PGBD1: variants seen among roughly 807,000 people sequenced by gnomAD.
PGBD1 encodes piggyBac transposable element-derived protein 1.
In PGBD1, 25 loss-of-function variants were observed where a neutral mutation model predicts 34.7. That is an observed-to-expected ratio of 0.72 (90% confidence interval 0.52 to 1.00). PGBD1 has a LOEUF of 1.00. Among genes scored for constraint, PGBD1 ranks in the 50% least tolerant of loss-of-function variants. PGBD1 has a pLI of 0.00. For missense variants in PGBD1, 830 were observed against 959.4 expected (o/e 0.87, Z 1.78); for synonymous variants, 292 against 335.7 (o/e 0.87, Z 1.42).
intron 4 of PGBD1, among the ~76,000 whole-genome samples, chr6:28,295,904 G>C (rs887340691): frequency 3.9e-5 from 6 of 152,150 alleles, no homozygotes; most frequent in African/African-American, 1.4e-4. Flanking sequence ...ATAGGGTGAT[G>C]ATGAGTTAAA....
At chr6:28,282,119 C>T (rs1043054561) in intron 1 of PGBD1, among the ~76,000 whole-genome samples, 1 of 152,148 alleles carries the variant, frequency 6.6e-6, no homozygotes, top group Non-Finnish European at 1.5e-5. Context: ...GAAGGTTTTA[C>T]AATAGAACAT....
In PGBD1 at chr6:28,287,182, C is replaced by T; in HGVS notation, c.642+14C>T. 6.3e-7 allele frequency: 1 copy of T among 1,589,436 alleles called. No homozygotes were observed. The highest frequency in any genetic ancestry group is 8.6e-7 in the Non-Finnish European group (1 of 1,157,632). ...GTCAGGTCCCAGGTAAGTAGGATGC[C>T]CAAGCTTGTAGGAATATCAGTAGTG... is the stretch of plus-strand genomic sequence containing the variant. On this transcript the variant is annotated intron_variant, in intron 4 of 6. Transcript: ENST00000682144.
In PGBD1 at chr6:28,284,165, G is replaced by A. The variant is rs778033244; in HGVS notation, c.352G>A (p.Val118Met). 3 of 1,587,370 alleles carry A rather than the reference G, an allele frequency of 1.9e-6. 1 individual carries two copies. The highest frequency in any genetic ancestry group is 1.7e-4 in the Middle Eastern group (1 of 5,918). Residue 118 changes from valine (V) to methionine (M), a missense_variant, in exon 2 of 7, where the codon GTG becomes ATG. Transcript: ENST00000682144. ...PLESGEEAVT[V>M]LENLETGSGD... ...GGAGAGTGGAGAGGAGGCAGTGACA[G>A]TGCTGGAGAATCTAGAGACAGGAAG...
chr6:28,298,761 A>C (rs1170804598), intron 6 of PGBD1, among the ~76,000 whole-genome samples: 2 of 152,142 alleles, frequency 1.3e-5, no homozygotes, highest in Non-Finnish European at 2.9e-5. Flanking sequence ...GCAAAGCAAG[A>C]AACTTCTGAA....
chr6:28,289,080 G>A (rs755739160), intron 4 of PGBD1, among the ~76,000 whole-genome samples: 5 of 151,820 alleles, frequency 3.3e-5, no homozygotes, highest in Non-Finnish European at 5.9e-5. Flanking sequence ...AGATATAAAT[G>A]TCCAGGTACA....
At chr6:28,286,795 A>G (rs1762298232) in intron 3 of PGBD1, among the ~76,000 whole-genome samples, 1 of 150,988 alleles carries the variant, frequency 6.6e-6, no homozygotes, top group Non-Finnish European at 1.5e-5. Flanking sequence ...ATTTTTGTCT[A>G]TGATTTTTAT....
In PGBD1 at chr6:28,285,616, G is replaced by C. The variant is rs1404788060; in HGVS notation, c.462G>C (p.Leu154Phe). The C allele has an allele frequency of 6.2e-7, 1 of 1,614,068 alleles. No individual in the cohort carries two copies. Among genetic ancestry groups the C allele is most frequent in the South Asian group, 1.1e-5 (1 of 91,078 alleles). ...TGGCAGAATATCAAGGAGTCTCTTT[G>C]GAGTGTCAGAGCCTCCAGCTCCTGC... ...PMVAEYQGVS[L>F]ECQSLQLLPG... The change falls in exon 3 of 7, where the codon TTG becomes TTC. Residue 154 changes from leucine (L) to phenylalanine (F), a missense_variant. Leu to Phe is a conservative substitution (Grantham distance 22). Transcript: ENST00000682144.
chr6:28,297,845 T>TAAAATAAAAAA, intron 5 of PGBD1, 50 bp from the exon 6 acceptor site: 2 of 283,634 alleles, frequency 7.1e-6, no homozygotes, highest in Non-Finnish European at 6.6e-6. Flanking sequence ...TTTTTTTTTT[T>TAAAATAAAAAA]CAAAATTCAC....
rs1441544132 is a variant in PGBD1 at position 28,302,370 on chromosome 6, T to C, written c.*86T>C. 6 of 1,307,726 alleles carry C rather than the reference T, an allele frequency of 4.6e-6. No individual in the cohort carries two copies. Among genetic ancestry groups the C allele is most frequent in the Non-Finnish European group, 6.3e-6 (6 of 956,388 alleles). The allele number at this position is 1,307,726 out of a possible 1,614,324, so 81.0% of individuals were successfully genotyped here. A position where few individuals can be genotyped will look rare whatever the true frequency, so the allele number is the denominator to read the frequency against. On this transcript the variant is annotated 3_prime_UTR_variant, in exon 7 of 7. Coordinates refer to ENST00000682144, the MANE Select transcript of PGBD1 (RefSeq NM_032507.4). ...TGCTGTTGTACCCTCCCAAAGTAAA[T>C]CTGATATATGTAATGAAGTTATTAA...
Position 28,300,612 on chromosome 6 carries a change from T to C in PGBD1, c.870-112T>C. 8.1e-7 allele frequency: 1 copy of C among 1,231,852 alleles called. No individual in the cohort carries two copies. The highest frequency in any genetic ancestry group is 1.1e-6 in the Non-Finnish European group (1 of 900,692). The allele number at this position is 1,231,852 out of a possible 1,614,324, so 76.3% of individuals were successfully genotyped here. The stretch of plus-strand genomic sequence containing the variant: ...TGGAAACTTAAGAGAAATAAGTAAG[T>C]ATCCCCCCACACCCACCCCAAGCCC... On this transcript the variant is annotated intron_variant, in intron 6 of 6. Coordinates refer to ENST00000682144, the MANE Select transcript of PGBD1 (RefSeq NM_032507.4). The surrounding 1 kb of genome is among the most constrained non-coding windows in gnomAD (Gnocchi z 4.0).
chr6:28,297,489 A>C (rs1762680758), intron 5 of PGBD1, among the ~76,000 whole-genome samples: 1 of 152,082 alleles, frequency 6.6e-6, no homozygotes, highest in Non-Finnish European at 1.5e-5. Context: ...TGATCCTCCC[A>C]CCTCAGCCTT....
At chr6:28,294,761 T>C (rs992868224) in intron 4 of PGBD1, among the ~76,000 whole-genome samples, 2 of 152,216 alleles carry the variant, frequency 1.3e-5, no homozygotes, top group African/African-American at 4.8e-5. Context: ...TTTGAAAATA[T>C]TACTGCTTAT....
chr6:28,298,383 A>C lies in PGBD1; in HGVS notation c.869+392A>C, dbSNP rs373516979. 1.7e-4 allele frequency among the ~76,000 whole-genome samples: 26 copies of C among 152,236 alleles called. No individual in the cohort carries two copies. The South Asian group carries it at 2.1e-3, about 12-fold the overall frequency. ...AAGAAATGTCAGAGTGGAAGAGGAC[A>C]AGCAGGGTACAGGTTGAGCATTCCA... On this transcript the variant is annotated intron_variant, in intron 6 of 6. Transcript: ENST00000682144.
intron 4 of PGBD1, among the ~76,000 whole-genome samples, 177 bp from the exon 5 acceptor site, chr6:28,296,639 C>T (rs767414408): frequency 1.5e-4 from 23 of 152,332 alleles, no homozygotes; most frequent in Non-Finnish European, 2.8e-4. Flanking sequence ...CTCTGAATGG[C>T]ATCGGCTTGA....
At chr6:28,282,429 G>A (rs1191863049) in intron 1 of PGBD1, among the ~76,000 whole-genome samples, 1 of 152,214 alleles carries the variant, frequency 6.6e-6, no homozygotes, top group Non-Finnish European at 1.5e-5. Context: ...GTGTTTATGT[G>A]TGTGTGAGGT....
At position 28,296,830 on chromosome 6, in the gene PGBD1, T is replaced by C. The variant is rs1199399282; in HGVS notation, c.657T>C (p.Thr219=). ...NPVRSQTLVK[T]EEETAQAVAA... ...TGTCTTTTTAGACATTGGTGAAGAC[T>C]GAGGAAGAAACAGCCCAGGCCGTTG... Residue 219 remains threonine (T), a synonymous_variant, in exon 5 of 7, where the codon ACT becomes ACC. Transcript: ENST00000682144. 6.2e-7 allele frequency: 1 copy of C among 1,614,100 alleles called. No homozygotes were observed. The highest frequency in any genetic ancestry group is 1.3e-5 in the African/African-American group (1 of 75,044).
intron 4 of PGBD1, among the ~76,000 whole-genome samples, chr6:28,292,283 A>T (rs757707646): frequency 5.3e-5 from 8 of 152,238 alleles, no homozygotes; most frequent in South Asian, 2.1e-4. Context: ...ATATACTTCA[A>T]TAGTGAACAA....
chr6:28,289,987 T>G (rs1430384597), intron 4 of PGBD1, among the ~76,000 whole-genome samples: 1 of 152,220 alleles, frequency 6.6e-6, no homozygotes, highest in Admixed American at 6.5e-5. Flanking sequence ...TCTGAAGGTC[T>G]TCTTTGTAAG....
chr6:28,283,774 A>G lies in PGBD1; in HGVS notation c.-38-2A>G, dbSNP rs753345603. The G allele has an allele frequency of 1.3e-6, 2 of 1,520,622 alleles. No homozygotes were observed. The highest frequency in any genetic ancestry group is 1.8e-6 in the Non-Finnish European group (2 of 1,134,980). The allele number at this position is 1,520,622 out of a possible 1,614,324, so 94.2% of individuals were successfully genotyped here. On this transcript the variant is annotated splice_acceptor_variant, in intron 1 of 6. Transcript: ENST00000682144. LOFTEE classifies it low-confidence loss of function (5UTR_SPLICE). ...GCCTCAGATCTCTATTTCTGAATAT[A>G]GACCCCAAGCTAAGTGAAGCTTTAG...
Sources: allele counts gnomAD v4.1 joint callset (sites outside exome capture counted in the v4.1 genomes callset), GRCh38; gene constraint gnomAD v4.1.1; non-coding constraint Gnocchi (gnomAD v3.1); transcripts MANE v1.5; gene names NCBI Gene and HGNC (gene_info 2026-07-23, HGNC 2026-07-21).